TRPC4: variants seen among roughly 807,000 people sequenced by gnomAD.
TRPC4 encodes transient receptor potential cation channel subfamily C member 4.
TRPC4 carries 49 observed loss-of-function variants against 99.4 expected under a neutral mutation model. That is an observed-to-expected ratio of 0.49 (90% CI 0.39 to 0.63). TRPC4 has a LOEUF of 0.63. TRPC4 is among the 20% of genes least tolerant of loss of function. The pLI is 0.00. For synonymous variants in TRPC4, 454 were observed against 425.9 expected (o/e 1.07, Z -0.81); for missense variants, 898 against 1,152.9 (o/e 0.78, Z 3.20).
At chr13:37,651,229 TA>T in intron 8 of TRPC4, 35 bp downstream of exon 8, 2 of 1,610,644 alleles carry the variant, frequency 1.2e-6, no homozygotes, top group Non-Finnish European at 1.7e-6. Flanking sequence ...ATACACAATT[TA>T]AAAAAAGAGT....
At chr13:37,664,946 C>A (rs1186608604) in intron 5 of TRPC4, among the ~76,000 whole-genome samples, 1 of 152,102 alleles carries the variant, frequency 6.6e-6, no homozygotes, top group Non-Finnish European at 1.5e-5. Flanking sequence ...GTAAAACAAT[C>A]AAGTTTGAAC....
chr13:37,857,711 T>C (rs1959185266), intron 1 of TRPC4, among the ~76,000 whole-genome samples: 1 of 151,682 alleles, frequency 6.6e-6, no homozygotes, highest in South Asian at 2.1e-4. Context: ...TGGATATCCA[T>C]ATGCAGAATA....
Position 37,643,617 on chromosome 13 carries a change from A to G in TRPC4, c.2080-4318T>C, listed in dbSNP as rs951801573. 2.6e-5 allele frequency among the ~76,000 whole-genome samples: 4 copies of G among 152,196 alleles called. No individual in the cohort carries two copies. In the East Asian group the frequency reaches 7.7e-4, roughly 29 times the overall value. On this transcript the variant is annotated intron_variant, in intron 8 of 10. Coordinates refer to ENST00000379705, the MANE Select transcript of TRPC4 (RefSeq NM_016179.4). ...TTAGAAAGTGAGAGGCACATTATGG[A>G]GACTTCTGGCAGGATAGTTGCAAAG... is the stretch of plus-strand genomic sequence containing the variant.
chr13:37,744,914 A>G (rs555195841), intron 3 of TRPC4, among the ~76,000 whole-genome samples: 1 of 152,228 alleles, frequency 6.6e-6, no homozygotes, highest in East Asian at 1.9e-4. Context: ...TATTTAATAC[A>G]GCATTTTTAA....
intron 3 of TRPC4, among the ~76,000 whole-genome samples, chr13:37,692,610 A>G (rs1481736524): frequency 3.3e-5 from 5 of 152,222 alleles, no homozygotes; most frequent in African/African-American, 1.2e-4. Flanking sequence ...AGAACTGGGG[A>G]ATACGAATAT....
intron 3 of TRPC4, among the ~76,000 whole-genome samples, chr13:37,741,193 G>A (rs762090618): frequency 2.0e-5 from 3 of 151,904 alleles, no homozygotes; most frequent in South Asian, 2.1e-4. Flanking sequence ...CAAAAACTAC[G>A]GAAGGTCTTT....
At chr13:37,728,549 A>G (rs1955135882) in intron 3 of TRPC4, among the ~76,000 whole-genome samples, 1 of 152,062 alleles carries the variant, frequency 6.6e-6, no homozygotes, top group Non-Finnish European at 1.5e-5. Context: ...GCATAAATTG[A>G]AAGATGTCCC....
intron 2 of TRPC4, among the ~76,000 whole-genome samples, chr13:37,761,064 G>C (rs2139239215): frequency 6.6e-6 from 1 of 151,932 alleles, no homozygotes; most frequent in South Asian, 2.1e-4. Context: ...CTTAGAAAAA[G>C]GACACGTGTT....
chr13:37,658,192 A>G (rs903209981), intron 6 of TRPC4, among the ~76,000 whole-genome samples: 3 of 152,166 alleles, frequency 2.0e-5, no homozygotes, highest in African/African-American at 4.8e-5. Flanking sequence ...CTGTGGTAAG[A>G]TATGAACTGA....
chr13:37,752,898 T>C (rs1361784128), intron 2 of TRPC4, among the ~76,000 whole-genome samples: 1 of 152,032 alleles, frequency 6.6e-6, no homozygotes, highest in Non-Finnish European at 1.5e-5. Context: ...ACATGAGCAA[T>C]GTGCAAGGCA....
chr13:37,824,861 T>A (rs1191538191), intron 1 of TRPC4, among the ~76,000 whole-genome samples: 2 of 152,122 alleles, frequency 1.3e-5, no homozygotes, highest in Non-Finnish European at 2.9e-5. Flanking sequence ...CAGTTCCTCC[T>A]TGTACCTCTG....
chr13:37,644,859 C>A (rs1397865431), intron 8 of TRPC4, among the ~76,000 whole-genome samples: 1 of 102,274 alleles, frequency 9.8e-6, no homozygotes, highest in Non-Finnish European at 1.8e-5. Flanking sequence ...GGCAACAGAG[C>A]GAGACTCCAT....
intron 3 of TRPC4, among the ~76,000 whole-genome samples, chr13:37,693,479 A>AACTTAGTG (rs1484754025): frequency 6.6e-6 from 1 of 152,206 alleles, no homozygotes. Flanking sequence ...TCTATAAGCA[A>AACTTAGTG]ACTTAGTGCT....
chr13:37,740,304 G>C (rs1955541810), intron 3 of TRPC4, among the ~76,000 whole-genome samples: 1 of 151,880 alleles, frequency 6.6e-6, no homozygotes, highest in Non-Finnish European at 1.5e-5. Context: ...GCAGATATCA[G>C]GTAAATCAAG....
intron 5 of TRPC4, among the ~76,000 whole-genome samples, chr13:37,667,153 C>T (rs557705313): frequency 5.9e-5 from 9 of 152,324 alleles, no homozygotes; most frequent in Non-Finnish European, 7.4e-5. Flanking sequence ...ATCCCAGCAT[C>T]TAAACCCAAA....
At chr13:37,723,047 C>A (rs1457932533) in intron 3 of TRPC4, among the ~76,000 whole-genome samples, 5 of 152,020 alleles carry the variant, frequency 3.3e-5, no homozygotes, top group Non-Finnish European at 1.5e-5. Flanking sequence ...CAAATGAGTC[C>A]CATAAAAATA....
intron 1 of TRPC4, among the ~76,000 whole-genome samples, chr13:37,835,477 A>G (rs1593288696): frequency 6.6e-6 from 1 of 152,230 alleles, no homozygotes; most frequent in South Asian, 2.1e-4. Context: ...CTGTACAAAC[A>G]CCATGGGTTT....
chr13:37,795,388 G>A (rs1390402174), intron 1 of TRPC4, among the ~76,000 whole-genome samples: 1 of 152,172 alleles, frequency 6.6e-6, no homozygotes, highest in Non-Finnish European at 1.5e-5. Context: ...AGGACATTAT[G>A]AGGTGGAGGA....
At chr13:37,679,550 T>C (rs1443051235) in intron 4 of TRPC4, among the ~76,000 whole-genome samples, 1 of 152,078 alleles carries the variant, frequency 6.6e-6, no homozygotes, top group Non-Finnish European at 1.5e-5. Context: ...ACAATGACTA[T>C]TTAAAATTAT....
Sources: allele counts gnomAD v4.1 joint callset (sites outside exome capture counted in the v4.1 genomes callset), GRCh38; gene constraint gnomAD v4.1.1; transcripts MANE v1.5; gene names NCBI Gene and HGNC (gene_info 2026-07-23, HGNC 2026-07-21).